Variants in CNTN4 observed in about 807,000 individuals in gnomAD.
CNTN4 encodes the protein contactin 4, also known as contactin-4.
Under a neutral mutation model 122.5 loss-of-function variants are expected in CNTN4, and 77 were observed. The ratio of observed to expected loss-of-function variants is 0.63; its 90% CI spans 0.52 to 0.76. CNTN4 has a LOEUF of 0.76. Among genes scored for constraint, CNTN4 ranks in the 30% least tolerant of loss-of-function variants. The pLI is 0.00. For missense variants in CNTN4, 1,256 were observed against 1,259.1 expected (o/e 1.00, Z 0.04); for synonymous variants, 512 against 447.0 (o/e 1.15, Z -1.83).
chr3:2,811,496 T>C (rs571557533), intron 6 of CNTN4, among the ~76,000 whole-genome samples: 1 of 151,498 alleles, frequency 6.6e-6, no homozygotes, highest in East Asian at 2.0e-4. Flanking sequence ...AGTCTCGCTC[T>C]GTCGCCCAGG....
intron 2 of CNTN4, among the ~76,000 whole-genome samples, chr3:2,290,326 C>T (rs1169364500): frequency 1.3e-5 from 2 of 152,120 alleles, no homozygotes; most frequent in Non-Finnish European, 2.9e-5. Flanking sequence ...AGAAACTGAT[C>T]AGGCTTGTCT....
intron 3 of CNTN4, among the ~76,000 whole-genome samples, chr3:2,560,399 C>T (rs1177992221): frequency 6.6e-6 from 1 of 152,102 alleles, no homozygotes; most frequent in Non-Finnish European, 1.5e-5. Flanking sequence ...GCCTTGGCTT[C>T]CCAAAATTTG....
At chr3:2,541,763 T>C (rs1393824771) in intron 3 of CNTN4, among the ~76,000 whole-genome samples, 2 of 152,122 alleles carry the variant, frequency 1.3e-5, no homozygotes, top group Admixed American at 1.3e-4. Context: ...GGCAAAAATA[T>C]GTGCTGAGGG....
chr3:2,912,890 GC>G (rs769631997), intron 12 of CNTN4, among the ~76,000 whole-genome samples: 3 of 152,168 alleles, frequency 2.0e-5, no homozygotes, highest in Non-Finnish European at 4.4e-5. Flanking sequence ...AGTGGCTCAC[GC>G]CCGTAATCCC....
At chr3:2,392,631 T>C (rs1248905873) in intron 3 of CNTN4, among the ~76,000 whole-genome samples, 2 of 152,230 alleles carry the variant, frequency 1.3e-5, no homozygotes, top group Non-Finnish European at 2.9e-5. Flanking sequence ...CAGATATTTA[T>C]TTGCAGTGAT....
At chr3:2,625,928 G>T (rs1160790131) in intron 4 of CNTN4, among the ~76,000 whole-genome samples, 1 of 152,080 alleles carries the variant, frequency 6.6e-6, no homozygotes, top group African/African-American at 2.4e-5. Flanking sequence ...GTATCGAATT[G>T]TTCCTGTTCT....
chr3:2,629,163 C>T (rs112726981), intron 4 of CNTN4, among the ~76,000 whole-genome samples: 7 of 152,170 alleles, frequency 4.6e-5, no homozygotes, highest in African/African-American at 1.4e-4. Flanking sequence ...ACAGGATTGC[C>T]GTCTTTATAA....
chr3:2,682,520 A>G (rs1559382978), intron 4 of CNTN4, among the ~76,000 whole-genome samples: 1 of 152,178 alleles, frequency 6.6e-6, no homozygotes, highest in African/African-American at 2.4e-5. Flanking sequence ...CATTTAGTTT[A>G]CAGACCCCCA....
Position 2,875,279 on chromosome 3 carries a change from G to A in CNTN4, c.653-7866G>A, listed in dbSNP as rs116365069. On this transcript the variant is annotated intron_variant, in intron 8 of 24. Coordinates refer to ENST00000418658, the MANE Select transcript of CNTN4 (RefSeq NM_175607.3). ...ATTACAGATGTGAGCTACCATGCCCGGACAGTTGTATCTTATCTTTAATCA... is the reference window on the plus strand; with the variant it reads ...ATTACAGATGTGAGCTACCATGCCCAGACAGTTGTATCTTATCTTTAATCA... Among the ~76,000 whole-genome samples the A allele has an allele frequency of 3.8e-3, 579 of 152,168 alleles. 3 individuals are homozygous for A. The highest frequency in any genetic ancestry group is 5.3e-3 in the Non-Finnish European group (363 of 67,980).
At chr3:2,745,114 A>G (rs2089681330) in intron 5 of CNTN4, among the ~76,000 whole-genome samples, 1 of 152,224 alleles carries the variant, frequency 6.6e-6, no homozygotes, top group African/African-American at 2.4e-5. Flanking sequence ...TCTACCTGGA[A>G]ATAGTATATG....
At chr3:2,307,613 G>GT (rs34953174) in intron 2 of CNTN4, among the ~76,000 whole-genome samples, 42,594 of 151,732 alleles carry the variant, frequency 0.28, 6,721 homozygotes, top group East Asian at 0.47. Context: ...TTCCTTGAGT[G>GT]TTTTTTTATC....
intron 2 of CNTN4, among the ~76,000 whole-genome samples, chr3:2,110,934 A>G (rs557764393): frequency 1.8e-4 from 27 of 152,316 alleles, no homozygotes; most frequent in African/African-American, 6.5e-4. Context: ...CATGTTAGTG[A>G]AAATTCCTGT....
intron 12 of CNTN4, among the ~76,000 whole-genome samples, chr3:2,916,774 C>CGGT (rs1420641281): frequency 2.7e-5 from 4 of 147,084 alleles, no homozygotes; most frequent in Non-Finnish European, 5.9e-5. Context: ...CCAGTAGGGG[C>CGGT]GGCCGGGCAG....
intron 4 of CNTN4, among the ~76,000 whole-genome samples, chr3:2,639,936 C>G (rs1398578462): frequency 6.6e-6 from 1 of 152,146 alleles, no homozygotes; most frequent in Admixed American, 6.5e-5. Context: ...TTTCCCCGTG[C>G]TAGGGCTAGA....
chr3:2,921,319 G>A (rs1010495675), intron 12 of CNTN4, among the ~76,000 whole-genome samples: 2 of 152,178 alleles, frequency 1.3e-5, no homozygotes, highest in African/African-American at 2.4e-5. Flanking sequence ...TTACAGGCGT[G>A]AGCCAACACA....
chr3:2,713,045 G>T (rs1165099704), intron 4 of CNTN4, among the ~76,000 whole-genome samples: 1 of 152,176 alleles, frequency 6.6e-6, no homozygotes, highest in Non-Finnish European at 1.5e-5. Flanking sequence ...AGCCACTCTA[G>T]CAAATTAATT....
At chr3:2,662,698 A>G (rs771697033) in intron 4 of CNTN4, among the ~76,000 whole-genome samples, 3 of 152,162 alleles carry the variant, frequency 2.0e-5, no homozygotes, top group African/African-American at 4.8e-5. Flanking sequence ...GGCAGAAGTA[A>G]TCAACTATCT....
intron 13 of CNTN4, among the ~76,000 whole-genome samples, chr3:2,954,487 G>T (rs1207871903): frequency 6.7e-6 from 1 of 150,222 alleles, no homozygotes; most frequent in African/African-American, 2.5e-5. Context: ...ATATTTATCA[G>T]TTTTTTTTCT....
intron 3 of CNTN4, among the ~76,000 whole-genome samples, chr3:2,453,012 AAT>A (rs1307507882): frequency 1.3e-5 from 2 of 152,114 alleles, no homozygotes; most frequent in Non-Finnish European, 2.9e-5. Flanking sequence ...AGATCTTTGC[AAT>A]TATTCGTAAT....
Sources: allele counts gnomAD v4.1 joint callset (sites outside exome capture counted in the v4.1 genomes callset), GRCh38; gene constraint gnomAD v4.1.1; transcripts MANE v1.5; gene names NCBI Gene and HGNC (gene_info 2026-07-23, HGNC 2026-07-21).